FMO5: variants seen among roughly 807,000 people sequenced by gnomAD.
FMO5 encodes flavin containing dimethylaniline monoxygenase 5.
A neutral mutation model predicts 43.6 loss-of-function variants in FMO5; 51 were observed. The observed-to-expected ratio is 1.17, with a 90% CI of 0.93 to 1.48. The LOEUF (loss-of-function observed/expected upper bound fraction) is 1.48, where lower values mean the gene tolerates loss of function less well. Among genes scored for constraint, FMO5 ranks in the 40% most tolerant of loss-of-function variants. The pLI, the probability that FMO5 is intolerant of heterozygous loss-of-function variation, is 0.00. For missense variants in FMO5, 644 were observed against 643.0 expected (o/e 1.00, Z -0.02); for synonymous variants, 187 against 216.5 (o/e 0.86, Z 1.20).
intron 2 of FMO5, among the ~76,000 whole-genome samples, chr1:147,223,264 C>T (rs1255907232): frequency 6.6e-6 from 1 of 152,110 alleles, no homozygotes; most frequent in Admixed American, 6.6e-5. Context: ...TAGCCCATGT[C>T]CAAGACTGAT....
intron 7 of FMO5, among the ~76,000 whole-genome samples, chr1:147,192,070 G>A (rs1377687077): frequency 2.0e-4 from 30 of 152,060 alleles, no homozygotes; most frequent in Admixed American, 4.6e-4. Flanking sequence ...CACTTGATGC[G>A]GATGGCATTT....
intron 2 of FMO5, among the ~76,000 whole-genome samples, chr1:147,217,164 C>T (rs1188437206): frequency 2.0e-5 from 3 of 152,002 alleles, no homozygotes; most frequent in Non-Finnish European, 2.9e-5. Context: ...CGCTTGAACC[C>T]GGGAGGCGGA....
chr1:147,199,158 A>G (rs1658549370), intron 7 of FMO5, among the ~76,000 whole-genome samples: 1 of 152,176 alleles, frequency 6.6e-6, no homozygotes, highest in Non-Finnish European at 1.5e-5. Context: ...AATTCCAGAG[A>G]ACAGAAGAAG....
chr1:147,223,263 T>C lies in FMO5; in HGVS notation c.135+1632A>G, dbSNP rs1663374350. ...AAAAACAACAGGCTTTTAGCCCATG[T>C]CCAAGACTGATGATGATACACGTAT... On this transcript the variant is annotated intron_variant, in intron 2 of 8. Transcript: ENST00000254090. 2.0e-5 allele frequency among the ~76,000 whole-genome samples: 3 copies of C among 152,288 alleles called. No individual in the cohort carries two copies. The South Asian group carries it at 6.2e-4, about 32-fold the overall frequency.
chr1:147,190,171 TCTTAC>T lies in FMO5; in HGVS notation c.1256+1_1256+5del. ...AACCATATATCTTCCTGGGAGAGTT[TCTTAC>T]CTTTTGTCAATTTCCTCTTGAGCTT... On this transcript the variant is annotated splice_donor_variant and splice_donor_5th_base_variant and intron_variant, in intron 8 of 8. Transcript: ENST00000254090. LOFTEE classifies it high-confidence loss of function. The T allele has an allele frequency of 1.3e-6, 2 of 1,585,540 alleles. No homozygotes were observed. The highest frequency in any genetic ancestry group is 1.7e-6 in the Non-Finnish European group (2 of 1,155,562).
At chr1:147,184,381 T>G (rs1389246363), downstream of FMO5, 1 of 1,161,024 alleles carries the variant, frequency 8.6e-7, no homozygotes, top group Non-Finnish European at 1.1e-6. This position sits in a 1 kb window ranked among gnomAD's most constrained non-coding sequence, Gnocchi z 4.4. Flanking sequence ...TAAACCAATA[T>G]TGATACATTA....
intron 5 of FMO5, 107 bp downstream of exon 5, chr1:147,212,286 A>G (rs1661202297): frequency 1.7e-6 from 2 of 1,153,414 alleles, no homozygotes; most frequent in African/African-American, 1.5e-5. Context: ...CTGGCACTGA[A>G]GGGCTATGTG....
Position 147,215,947 on chromosome 1 carries a change from A to C in FMO5, c.136-5T>G. On this transcript the variant is annotated splice_region_variant and splice_polypyrimidine_tract_variant and intron_variant, in intron 2 of 8. Coordinates refer to ENST00000254090, the MANE Select transcript of FMO5 (RefSeq NM_001461.4). ...CCTTCCTTCTTCAGGATTTTCCTGC[A>C]ATAAATAGAAAGTATTCATAGCAAC... 3.1e-6 allele frequency: 5 copies of C among 1,596,754 alleles called. No individual in the cohort carries two copies. The highest frequency in any genetic ancestry group is 4.3e-6 in the Non-Finnish European group (5 of 1,170,420).
Position 147,203,215 on chromosome 1 carries a change from C to T in FMO5, c.831-1711G>A, listed in dbSNP as rs182461729. 1,934 of 899,284 alleles carry T rather than the reference C, an allele frequency of 2.2e-3. 2 individuals are homozygous for T. The highest frequency in any genetic ancestry group is 2.9e-3 in the Non-Finnish European group (1,681 of 577,532). 55.7% of individuals were successfully genotyped at this position (899,284 alleles called of 1,614,324 possible). A position where few individuals can be genotyped will look rare whatever the true frequency, so the allele number is the denominator to read the frequency against. On this transcript the variant is annotated intron_variant, in intron 6 of 8. Transcript: ENST00000254090. ...GTAAGGAGAATAAGAAAACATCACG[C>T]GATTCTTAGAATACTACTACAAATA...
At chr1:147,207,748 G>C (rs1308270985) in intron 6 of FMO5, among the ~76,000 whole-genome samples, 4 of 152,146 alleles carry the variant, frequency 2.6e-5, no homozygotes, top group Non-Finnish European at 5.9e-5. Flanking sequence ...GAGATTTCCA[G>C]TTAATCTGTT....
chr1:147,187,337 A>G (rs370601756), intron 8 of FMO5, 92 bp from the exon 9 acceptor site: 4 of 839,734 alleles, frequency 4.8e-6, no homozygotes, highest in Admixed American at 2.7e-5. Context: ...TATTGGCTCA[A>G]TATCAGACTA....
At chr1:147,196,225 C>A (rs1553919757) in intron 7 of FMO5, among the ~76,000 whole-genome samples, 1 of 152,144 alleles carries the variant, frequency 6.6e-6, no homozygotes, top group African/African-American at 2.4e-5. Flanking sequence ...AAGTTCATCA[C>A]TCTCAAATAG....
chr1:147,225,478 A>T (rs1290659682), upstream of FMO5: 2 of 167,882 alleles, frequency 1.2e-5, no homozygotes, highest in African/African-American at 4.8e-5. Context: ...CCCTCCCTCG[A>T]TGGGAATAAA....
rs1393958255 is a variant in FMO5 at position 147,215,822 on chromosome 1, C to T, written c.256G>A (p.Ala86Thr). Reference sequence around the variant, plus strand: ...ATCCTGAAATACTCCAGGACCTGGGCATTATGCATGAAGTTGGGATAATGA... The same window carrying T: ...ATCCTGAAATACTCCAGGACCTGGGTATTATGCATGAAGTTGGGATAATGA... Reference protein sequence around the residue: ...PDHYPNFMHNAQVLEYFRMYA... With the variant: ...PDHYPNFMHNTQVLEYFRMYA... The change falls in exon 3 of 9, where the codon GCC (alanine) becomes ACC (threonine). Residue 86 changes from alanine to threonine, a missense_variant. Transcript: ENST00000254090. 5.6e-6 allele frequency: 9 copies of T among 1,613,834 alleles called. No individual in the cohort carries two copies. Among genetic ancestry groups the T allele is most frequent in the Non-Finnish European group, 6.8e-6 (8 of 1,179,768 alleles).
rs1571117096 is a variant in FMO5 at position 147,186,760 on chromosome 1, G to C, written c.*140C>G. ...AAAACAGGTTTCATTGTAGGAAAAA[G>C]GAAAGTGAATTAATGCTTTCGAAAG... is the stretch of plus-strand genomic sequence containing the variant. On this transcript the variant is annotated 3_prime_UTR_variant, in exon 9 of 9. Coordinates refer to ENST00000254090, the MANE Select transcript of FMO5 (RefSeq NM_001461.4). The C allele has an allele frequency of 6.9e-7, 1 of 1,451,126 alleles. No individual in the cohort carries two copies. The allele number at this position is 1,451,126 out of a possible 1,614,324, so 89.9% of individuals were successfully genotyped here.
At chr1:147,205,311 A>C (rs1659792560) in intron 6 of FMO5, among the ~76,000 whole-genome samples, 1 of 152,190 alleles carries the variant, frequency 6.6e-6, no homozygotes, top group African/African-American at 2.4e-5. Flanking sequence ...TTTATAGTGG[A>C]GAAACTTGAT....
At chr1:147,196,637 G>A (rs1241862180) in intron 7 of FMO5, among the ~76,000 whole-genome samples, 2 of 151,882 alleles carry the variant, frequency 1.3e-5, no homozygotes, top group East Asian at 1.9e-4. Flanking sequence ...ATCTTTTTAC[G>A]TGTATACTCT....
At chr1:147,190,800 A>G (rs188575466) in intron 7 of FMO5, among the ~76,000 whole-genome samples, 1 of 152,120 alleles carries the variant, frequency 6.6e-6, no homozygotes, top group Admixed American at 6.6e-5. Flanking sequence ...GTCATTTAGC[A>G]TTAGGTATAT....
At position 147,212,498 on chromosome 1, in the gene FMO5, T is replaced by A; in HGVS notation, c.525A>T (p.Arg175=). The change falls in exon 5 of 9, where the codon CGA becomes CGT. Residue 175 remains arginine, a synonymous_variant. Coordinates refer to ENST00000254090, the MANE Select transcript of FMO5 (RefSeq NM_001461.4). The part of the protein sequence containing the change: ...EKFKGQYFHS[R]DYKNPEGFTG... ...TGAATCCCTCTGGGTTCTTATAGTC[T>A]CGACTGTGGAAGTACTGCCCTTTGA... is the stretch of plus-strand genomic sequence containing the variant. 2 of 1,613,946 alleles carry A rather than the reference T, an allele frequency of 1.2e-6. No individual in the cohort carries two copies. Among genetic ancestry groups the A allele is most frequent in the Non-Finnish European group, 1.7e-6 (2 of 1,179,856 alleles).
Sources: allele counts gnomAD v4.1 joint callset (sites outside exome capture counted in the v4.1 genomes callset), GRCh38; gene constraint gnomAD v4.1.1; non-coding constraint Gnocchi (gnomAD v3.1); transcripts MANE v1.5; gene names NCBI Gene and HGNC (gene_info 2026-07-23, HGNC 2026-07-21).